Variants in PIEZO2 observed in about 807,000 individuals in gnomAD.
The protein encoded by PIEZO2 is piezo type mechanosensitive ion channel component 2, also known as piezo-type mechanosensitive ion channel component 2.
Under a neutral mutation model 337.3 loss-of-function variants are expected in PIEZO2, and 172 were observed. That is an observed-to-expected ratio of 0.51 (90% CI 0.45 to 0.58). The LOEUF is 0.58. Ranked by LOEUF, PIEZO2 falls within the 20% of genes least tolerant of loss-of-function variation. The pLI is 0.00. For missense variants in PIEZO2, 3,028 were observed against 3,391.3 expected (o/e 0.89, Z 2.66); for synonymous variants, 1,251 against 1,228.5 (o/e 1.02, Z -0.38).
rs78157358 is a variant in PIEZO2, at chr18:11,041,068, A to G, written c.160+25059T>C. On this transcript the variant is annotated intron_variant, in intron 2 of 55. Coordinates refer to ENST00000674853, the MANE Select transcript of PIEZO2 (RefSeq NM_001378183.1). ...GACCAGGCACACAACCTGGAAAGTT[A>G]GGGCATCCTCTGAAAACGGACAGTC... 5.8e-3 allele frequency among the ~76,000 whole-genome samples: 885 copies of G among 152,294 alleles called. 5 individuals carry two copies. Among genetic ancestry groups the G allele is most frequent in the South Asian group, 0.028 (134 of 4,828 alleles).
At position 11,027,046 on chromosome 18, in the gene PIEZO2, A is replaced by T. The variant is rs1467085160; in HGVS notation, c.160+39081T>A. ...TCTGCCCAAAAGTATTTTATAAGCC[A>T]ATTCATATGAAATGTCACAGAGCAG... On this transcript the variant is annotated intron_variant, in intron 2 of 55. Transcript: ENST00000674853. The surrounding 1 kb of genome is among the most constrained non-coding windows in gnomAD (Gnocchi z 4.2). 6.6e-6 allele frequency among the ~76,000 whole-genome samples: 1 copy of T among 152,240 alleles called. No homozygotes were observed. Among genetic ancestry groups the T allele is most frequent in the Non-Finnish European group, 1.5e-5 (1 of 68,040 alleles).
chr18:11,133,833 ACTC>A (rs1180748900), intron 1 of PIEZO2, among the ~76,000 whole-genome samples: 3 of 150,424 alleles, frequency 2.0e-5, no homozygotes, highest in East Asian at 3.9e-4. Context: ...TACTTAATAA[ACTC>A]CTATATATAT....
chr18:10,786,051 C>A (rs968817671), intron 16 of PIEZO2, among the ~76,000 whole-genome samples: 13 of 152,154 alleles, frequency 8.5e-5, no homozygotes, highest in African/African-American at 2.9e-4. Flanking sequence ...CCTGAAATGT[C>A]CTTCCACACC....
At position 10,855,335 on chromosome 18, in the gene PIEZO2, C is replaced by T. The variant is rs2041673262; in HGVS notation, c.917+18G>A. 4.0e-6 allele frequency: 6 copies of T among 1,518,068 alleles called. No individual in the cohort carries two copies. Among genetic ancestry groups the T allele is most frequent in the Non-Finnish European group, 5.3e-6 (6 of 1,129,700 alleles). The allele number at this position is 1,518,068 out of a possible 1,614,324, so 94.0% of individuals were successfully genotyped here. On this transcript the variant is annotated intron_variant, in intron 7 of 55. Transcript: ENST00000674853. This position sits in a 1 kb window ranked among gnomAD's most constrained non-coding sequence, Gnocchi z 4.9. Reference sequence around the variant, plus strand: ...GGGGGACAACCTCTCCTGGAAATGCCATAAGGATTTCTCTTACCTTGCATA... The same window carrying T: ...GGGGGACAACCTCTCCTGGAAATGCTATAAGGATTTCTCTTACCTTGCATA...
At position 10,988,021 on chromosome 18, in the gene PIEZO2, C is replaced by T. The variant is rs1486471271; in HGVS notation, c.161-8361G>A. Among the ~76,000 whole-genome samples the T allele has an allele frequency of 6.6e-6, 1 of 152,000 alleles. No homozygotes were observed. Among genetic ancestry groups the T allele is most frequent in the African/African-American group, 2.4e-5 (1 of 41,374 alleles). On this transcript the variant is annotated intron_variant, in intron 2 of 55. Coordinates refer to ENST00000674853, the MANE Select transcript of PIEZO2 (RefSeq NM_001378183.1). This position sits in a 1 kb window ranked among gnomAD's most constrained non-coding sequence, Gnocchi z 4.8. ...CCTCTGCTGTGGTCTGAATGTGACC[C>T]CCAAAATTCATATGTTGAAACTTAA...
At chr18:10,752,369 AT>A (rs1335460794) in intron 28 of PIEZO2, among the ~76,000 whole-genome samples, 2 of 152,244 alleles carry the variant, frequency 1.3e-5, no homozygotes, top group Non-Finnish European at 1.5e-5. Context: ...CAGAATTTTA[AT>A]TAGTAAAAGA....
chr18:10,682,371 G>T lies in PIEZO2; in HGVS notation c.7498-79C>A. 1 of 1,250,738 alleles carries T rather than the reference G, an allele frequency of 8.0e-7. No individual in the cohort carries two copies. Among genetic ancestry groups the T allele is most frequent in the Non-Finnish European group, 1.1e-6 (1 of 913,612 alleles). The allele number at this position is 1,250,738 out of a possible 1,614,324, so 77.5% of individuals were successfully genotyped here. Reference sequence around the variant, plus strand: ...AGGCAGCGGGATTGGGGGAGAGCGAGTGCTCTTCCTGTGGTGCTGGGAACA... The same window carrying T: ...AGGCAGCGGGATTGGGGGAGAGCGATTGCTCTTCCTGTGGTGCTGGGAACA... On this transcript the variant is annotated intron_variant, in intron 49 of 55. Transcript: ENST00000674853. The surrounding 1 kb of genome is among the most constrained non-coding windows in gnomAD (Gnocchi z 5.6).
At chr18:10,935,069 G>A (rs2032308968) in intron 3 of PIEZO2, among the ~76,000 whole-genome samples, 1 of 152,078 alleles carries the variant, frequency 6.6e-6, no homozygotes, top group Non-Finnish European at 1.5e-5. Context: ...TTGCTTCTCT[G>A]ATCAGACTGT....
chr18:10,752,860 T>C lies in PIEZO2; in HGVS notation c.3943A>G (p.Lys1315Glu). 6.5e-7 allele frequency: 1 copy of C among 1,536,636 alleles called. No individual in the cohort carries two copies. The highest frequency in any genetic ancestry group is 8.7e-7 in the Non-Finnish European group (1 of 1,146,544). The change falls in exon 28 of 56, where the codon AAA becomes GAA. Residue 1315 changes from lysine to glutamate, a missense_variant. Lys to Glu is a moderately conservative substitution (Grantham distance 56). Coordinates refer to ENST00000674853, the MANE Select transcript of PIEZO2 (RefSeq NM_001378183.1). ...IHCRSYLDMSKVIIFSYLFWF... is the reference protein window; with the variant it reads ...IHCRSYLDMSEVIIFSYLFWF... ...AAGAGGTAGCTGAAGATGATCACTTTGGACATGTCTAAGTAAGATCTGGAA... is the reference window on the plus strand; with the variant it reads ...AAGAGGTAGCTGAAGATGATCACTTCGGACATGTCTAAGTAAGATCTGGAA...
chr18:10,687,594 T>A (rs558092732), intron 49 of PIEZO2, among the ~76,000 whole-genome samples: 98 of 152,304 alleles, frequency 6.4e-4, no homozygotes, highest in Admixed American at 4.6e-3. Flanking sequence ...GCCAACCCTA[T>A]CATTTACTCC....
At chr18:10,705,859 C>T (rs1344785648) in intron 40 of PIEZO2, 113 bp from the exon 41 acceptor site, 2 of 1,265,370 alleles carry the variant, frequency 1.6e-6, no homozygotes, top group African/African-American at 1.5e-5. Flanking sequence ...CCCCATTTTC[C>T]CCCCTGCATT....
intron 47 of PIEZO2, among the ~76,000 whole-genome samples, chr18:10,694,361 A>G (rs1182204578): frequency 1.3e-5 from 2 of 151,984 alleles, no homozygotes; most frequent in Non-Finnish European, 2.9e-5. Context: ...TATGAGCCAC[A>G]TACGTAAAAT....
rs2042561208 is a variant in PIEZO2, at chr18:10,885,744, C to T, written c.330-14329G>A. On this transcript the variant is annotated intron_variant, in intron 4 of 55. Coordinates refer to ENST00000674853, the MANE Select transcript of PIEZO2 (RefSeq NM_001378183.1). Reference sequence around the variant, plus strand: ...ACATAAGGCAAGTTATTTCGCTTCTCGCTTTCCTGAATTACAAAGTGAAAA... The same window carrying T: ...ACATAAGGCAAGTTATTTCGCTTCTTGCTTTCCTGAATTACAAAGTGAAAA... Among the ~76,000 whole-genome samples the T allele has an allele frequency of 2.6e-5, 4 of 152,156 alleles. No homozygotes were observed. In the South Asian group the frequency reaches 8.3e-4, roughly 32 times the overall value.
rs1272224508 is a variant in PIEZO2, at chr18:10,822,317, C to T, written c.918-15043G>A. Among the ~76,000 whole-genome samples the T allele has an allele frequency of 7.2e-5, 11 of 151,924 alleles. No individual in the cohort carries two copies. In the South Asian group the frequency reaches 1.5e-3, roughly 20 times the overall value. On this transcript the variant is annotated intron_variant, in intron 7 of 55. Coordinates refer to ENST00000674853, the MANE Select transcript of PIEZO2 (RefSeq NM_001378183.1). ...ACCCATCCCTAACTAACATTTTCTA[C>T]AGCTTTATATTGGAAATAAATAGCT...
intron 4 of PIEZO2, among the ~76,000 whole-genome samples, chr18:10,906,881 G>A (rs1308660217): frequency 6.6e-6 from 1 of 151,904 alleles, no homozygotes; most frequent in Non-Finnish European, 1.5e-5. Context: ...CTTATATCCT[G>A]TCTTTTGTCG....
At chr18:11,090,838 G>GC (rs1016189719) in intron 1 of PIEZO2, among the ~76,000 whole-genome samples, 15 of 71,776 alleles carry the variant, frequency 2.1e-4, no homozygotes, top group South Asian at 1.0e-3. Flanking sequence ...GTGTGAACCC[G>GC]GGGGGGCAAA....
chr18:10,952,595 G>C lies in PIEZO2; in HGVS notation c.286+26940C>G, dbSNP rs1035122676. On this transcript the variant is annotated intron_variant, in intron 3 of 55. Transcript: ENST00000674853. The surrounding 1 kb of genome is among the most constrained non-coding windows in gnomAD (Gnocchi z 4.1). ...AGTCCATCCAGGGACCAAGTTTGCT[G>C]AAAGACATTGAAGTTGCTTCCAGTT... 6.6e-6 allele frequency among the ~76,000 whole-genome samples: 1 copy of C among 152,208 alleles called. No homozygotes were observed. Among genetic ancestry groups the C allele is most frequent in the Non-Finnish European group, 1.5e-5 (1 of 68,030 alleles).
Position 10,773,343 on chromosome 18 carries a change from G to C in PIEZO2, c.2785+69C>G. Reference sequence around the variant, plus strand: ...TCAAATATATATTCTTTTGGAGCAAGTCAATGTTTCCTTCACTCAGTCTGA... The same window carrying C: ...TCAAATATATATTCTTTTGGAGCAACTCAATGTTTCCTTCACTCAGTCTGA... On this transcript the variant is annotated intron_variant, in intron 20 of 55. Transcript: ENST00000674853. The surrounding 1 kb of genome is among the most constrained non-coding windows in gnomAD (Gnocchi z 5.3). 7.0e-7 allele frequency: 1 copy of C among 1,435,474 alleles called. No individual in the cohort carries two copies. Among genetic ancestry groups the C allele is most frequent in the Admixed American group, 2.0e-5 (1 of 50,630 alleles). The allele number at this position is 1,435,474 out of a possible 1,614,324, so 88.9% of individuals were successfully genotyped here.
At chr18:10,736,090 G>A (rs1272055105) in intron 34 of PIEZO2, among the ~76,000 whole-genome samples, 3 of 152,190 alleles carry the variant, frequency 2.0e-5, no homozygotes, top group Admixed American at 6.5e-5. Flanking sequence ...GAAAAAACCA[G>A]AACTGTGCCA....
Sources: gnomAD v4.1 joint callset for allele counts (sites outside exome capture counted in the v4.1 genomes callset) on GRCh38, gnomAD v4.1.1 for gene constraint, Gnocchi (gnomAD v3.1) non-coding constraint, MANE v1.5 for transcripts, NCBI Gene and HGNC (gene_info 2026-07-23, HGNC 2026-07-21) for gene names.